The following AGAP1 variants were observed in gnomAD, a reference collection of about 807,000 sequenced individuals.
AGAP1 encodes the protein ArfGAP with GTPase domain, ankyrin repeat and PH domain 1, also known as arf-GAP with GTPase, ANK repeat and PH domain-containing protein 1.
In AGAP1, 29 loss-of-function variants were observed where a neutral mutation model predicts 105.3. The observed-to-expected ratio is 0.28, with a 90% CI of 0.21 to 0.38. The LOEUF (loss-of-function observed/expected upper bound fraction) is 0.38, where lower values mean the gene tolerates loss of function less well. Ranked by LOEUF, AGAP1 falls within the 10% of genes least tolerant of loss-of-function variation. AGAP1 has a pLI of 1.00. For synonymous variants in AGAP1, 509 were observed against 485.9 expected (o/e 1.05, Z -0.63); for missense variants, 998 against 1,165.1 (o/e 0.86, Z 2.09).
In AGAP1 at chr2:236,114,571, C is replaced by G. The variant is rs76267818; in HGVS notation, c.2115-5621C>G. Among the ~76,000 whole-genome samples, 146 of 152,276 alleles carry G rather than the reference C, an allele frequency of 9.6e-4. 3 individuals carry two copies. In the East Asian group the frequency reaches 0.027, roughly 28 times the overall value. ...AGTCAGGGTGCCCGCAGGGTTGGTT[C>G]TGGTGAGACCTCTCTCCCTGGCTGA... On this transcript the variant is annotated intron_variant, in intron 16 of 17. Coordinates refer to ENST00000304032, the MANE Select transcript of AGAP1 (RefSeq NM_001037131.3). This position sits in a 1 kb window ranked among gnomAD's most constrained non-coding sequence, Gnocchi z 5.0.
In AGAP1 at chr2:235,824,201, C is replaced by T. The variant is rs1034629284; in HGVS notation, c.1050+16870C>T. On this transcript the variant is annotated intron_variant, in intron 9 of 17. Transcript: ENST00000304032. The surrounding 1 kb of genome is among the most constrained non-coding windows in gnomAD (Gnocchi z 5.2). ...TGAGGGGTCTTCGATTGGTGGCACC[C>T]GTGTTCCACGGTACAGCTAGGCCTT... 4.6e-5 allele frequency among the ~76,000 whole-genome samples: 7 copies of T among 152,226 alleles called. No homozygotes were observed. The highest frequency in any genetic ancestry group is 1.7e-4 in the African/African-American group (7 of 41,470).
At position 235,721,049 on chromosome 2, in the gene AGAP1, C is replaced by T. The variant is rs1260178006; in HGVS notation, c.310+3405C>T. ...TTGAGATGGAGTCTTACTCTGTCACCCAGACTGGAGTGCAGTGGCGTGATC... is the reference window on the plus strand; with the variant it reads ...TTGAGATGGAGTCTTACTCTGTCACTCAGACTGGAGTGCAGTGGCGTGATC... On this transcript the variant is annotated intron_variant, in intron 3 of 17. Coordinates refer to ENST00000304032, the MANE Select transcript of AGAP1 (RefSeq NM_001037131.3). This position sits in a 1 kb window ranked among gnomAD's most constrained non-coding sequence, Gnocchi z 4.5. Among the ~76,000 whole-genome samples the T allele has an allele frequency of 6.6e-6, 1 of 151,952 alleles. No individual in the cohort carries two copies. Among genetic ancestry groups the T allele is most frequent in the African/African-American group, 2.4e-5 (1 of 41,368 alleles).
At chr2:235,643,726 C>A (rs913608249) in intron 1 of AGAP1, among the ~76,000 whole-genome samples, 10 of 151,946 alleles carry the variant, frequency 6.6e-5, no homozygotes, top group Non-Finnish European at 1.2e-4. Context: ...CTGAGCAAAA[C>A]CCTGTTTCTC....
At chr2:236,064,147 A>C (rs1476982899) in intron 16 of AGAP1, among the ~76,000 whole-genome samples, 1 of 152,210 alleles carries the variant, frequency 6.6e-6, no homozygotes, top group Non-Finnish European at 1.5e-5. Context: ...TAATTAACCC[A>C]GTGACTTGGA....
chr2:235,903,188 A>G (rs2051147122), intron 10 of AGAP1, among the ~76,000 whole-genome samples: 1 of 152,200 alleles, frequency 6.6e-6, no homozygotes, highest in East Asian at 1.9e-4. Context: ...TATAAACTAG[A>G]ACTTAATGGA....
In AGAP1 at chr2:236,044,048, C is replaced by A. The variant is rs1280503665; in HGVS notation, c.1891+3207C>A. The stretch of plus-strand genomic sequence containing the variant: ...TGCTCACTGGGCACATCCCAGAGCA[C>A]TGTTTCCAGAGTGGACGCTGAGCCT... On this transcript the variant is annotated intron_variant, in intron 15 of 17. Transcript: ENST00000304032. The surrounding 1 kb of genome is among the most constrained non-coding windows in gnomAD (Gnocchi z 5.7). Among the ~76,000 whole-genome samples, 1 of 152,200 alleles carries A rather than the reference C, an allele frequency of 6.6e-6. No homozygotes were observed. The highest frequency in any genetic ancestry group is 1.5e-5 in the Non-Finnish European group (1 of 68,032).
chr2:235,514,667 C>T (rs553116615), intron 1 of AGAP1, among the ~76,000 whole-genome samples: 1 of 152,382 alleles, frequency 6.6e-6, no homozygotes, highest in Admixed American at 6.5e-5. Context: ...CTCCTGCTGG[C>T]GATTCCAGGG....
In AGAP1 at chr2:236,053,197, G is replaced by A. The variant is rs2057957814; in HGVS notation, c.2114+3916G>A. On this transcript the variant is annotated intron_variant, in intron 16 of 17. Transcript: ENST00000304032. This position sits in a 1 kb window ranked among gnomAD's most constrained non-coding sequence, Gnocchi z 4.6. ...CAAGCTCCTTGGTGACCCTTTCAAA[G>A]GCAAGAGTAATAAGCTCAGAGGTGA... Among the ~76,000 whole-genome samples, 1 of 152,214 alleles carries A rather than the reference G, an allele frequency of 6.6e-6. No homozygotes were observed. Among genetic ancestry groups the A allele is most frequent in the Admixed American group, 6.5e-5 (1 of 15,288 alleles).
At position 235,992,350 on chromosome 2, in the gene AGAP1, G is replaced by A. The variant is rs886702192; in HGVS notation, c.1645+23727G>A. 3.3e-5 allele frequency among the ~76,000 whole-genome samples: 5 copies of A among 152,160 alleles called. No individual in the cohort carries two copies. The highest frequency in any genetic ancestry group is 7.2e-5 in the African/African-American group (3 of 41,446). On this transcript the variant is annotated intron_variant, in intron 13 of 17. Coordinates refer to ENST00000304032, the MANE Select transcript of AGAP1 (RefSeq NM_001037131.3). This position sits in a 1 kb window ranked among gnomAD's most constrained non-coding sequence, Gnocchi z 4.8. ...GTGCTCTCAGCTGTAAAATGGGAAC[G>A]ATCAGGTTGTCTACCTCCAAGACTG...
At chr2:235,727,663 C>G (rs1409397655) in intron 3 of AGAP1, among the ~76,000 whole-genome samples, 1 of 152,240 alleles carries the variant, frequency 6.6e-6, no homozygotes, top group Non-Finnish European at 1.5e-5. Flanking sequence ...CCAACATCAT[C>G]AACCGCATTA....
chr2:235,648,126 T>C (rs1358667548), intron 1 of AGAP1, among the ~76,000 whole-genome samples: 4 of 152,214 alleles, frequency 2.6e-5, no homozygotes, highest in African/African-American at 9.6e-5. Flanking sequence ...TGGGAGAGAC[T>C]GACTGGGGGG....
chr2:236,097,758 C>T (rs2059230807), intron 16 of AGAP1, among the ~76,000 whole-genome samples: 1 of 152,124 alleles, frequency 6.6e-6, no homozygotes, highest in Non-Finnish European at 1.5e-5. Context: ...ACCATCACGA[C>T]CATCCATCTC....
intron 12 of AGAP1, among the ~76,000 whole-genome samples, chr2:235,938,773 G>A (rs946406825): frequency 1.3e-5 from 2 of 152,146 alleles, no homozygotes; most frequent in Non-Finnish European, 2.9e-5. Context: ...GAAGCGGAGG[G>A]CCGAGATGGG....
intron 9 of AGAP1, among the ~76,000 whole-genome samples, chr2:235,846,984 G>T (rs965049546): frequency 6.6e-6 from 1 of 152,182 alleles, no homozygotes; most frequent in Non-Finnish European, 1.5e-5. Flanking sequence ...ATCCTAAGAG[G>T]TTAAGAGCTG....
intron 1 of AGAP1, among the ~76,000 whole-genome samples, chr2:235,696,002 G>A (rs1949980764): frequency 1.3e-5 from 2 of 152,164 alleles, no homozygotes; most frequent in Admixed American, 1.3e-4. Flanking sequence ...TCGACAGAGG[G>A]GCACCAGGAT....
intron 11 of AGAP1, among the ~76,000 whole-genome samples, chr2:235,923,579 G>A (rs553733769): frequency 2.0e-5 from 3 of 148,426 alleles, no homozygotes; most frequent in African/African-American, 5.0e-5. Flanking sequence ...GATGGGTTTC[G>A]CCTGTCCTTG....
chr2:235,875,769 A>G lies in AGAP1; in HGVS notation c.1051-7576A>G, dbSNP rs958084261. 4.6e-5 allele frequency among the ~76,000 whole-genome samples: 7 copies of G among 152,232 alleles called. No individual in the cohort carries two copies. The highest frequency in any genetic ancestry group is 1.7e-4 in the African/African-American group (7 of 41,462). On this transcript the variant is annotated intron_variant, in intron 9 of 17. Coordinates refer to ENST00000304032, the MANE Select transcript of AGAP1 (RefSeq NM_001037131.3). This position sits in a 1 kb window ranked among gnomAD's most constrained non-coding sequence, Gnocchi z 4.0. ...ATACCTACACTTCCCACTGCCCGAC[A>G]GTACGTGCAGTGATTTTGATGGCTG...
At chr2:235,731,423 A>C (rs1951939454) in intron 3 of AGAP1, among the ~76,000 whole-genome samples, 1 of 152,316 alleles carries the variant, frequency 6.6e-6, no homozygotes, top group South Asian at 2.1e-4. Flanking sequence ...GCACTTGTCC[A>C]AGACGTGCTA....
At position 236,046,431 on chromosome 2, in the gene AGAP1, G is replaced by T; in HGVS notation, c.1892-2628G>T. Among the ~76,000 whole-genome samples, 1 of 152,194 alleles carries T rather than the reference G, an allele frequency of 6.6e-6. No individual in the cohort carries two copies. Among genetic ancestry groups the T allele is most frequent in the East Asian group, 1.9e-4 (1 of 5,180 alleles). Reference sequence around the variant, plus strand: ...GGTGAGGACGCCCATGGGAGCATAAGTTCGAGAAGAAAGCGTTGGACTTAT... The same window carrying T: ...GGTGAGGACGCCCATGGGAGCATAATTTCGAGAAGAAAGCGTTGGACTTAT... On this transcript the variant is annotated intron_variant, in intron 15 of 17. Coordinates refer to ENST00000304032, the MANE Select transcript of AGAP1 (RefSeq NM_001037131.3). The surrounding 1 kb of genome is among the most constrained non-coding windows in gnomAD (Gnocchi z 5.2).
Sources: allele counts gnomAD v4.1 joint callset (sites outside exome capture counted in the v4.1 genomes callset), GRCh38; gene constraint gnomAD v4.1.1; non-coding constraint Gnocchi (gnomAD v3.1); transcripts MANE v1.5; gene names NCBI Gene and HGNC (gene_info 2026-07-23, HGNC 2026-07-21).